CYP2C19: variants seen among roughly 807,000 people sequenced by gnomAD.
The protein encoded by CYP2C19 is cytochrome P450 family 2 subfamily C member 19, also known as cytochrome P450 2C19.
CYP2C19 carries 59 observed loss-of-function variants against 40.9 expected under a neutral mutation model. That is an observed-to-expected ratio of 1.44 (90% CI 1.17 to 1.79). The LOEUF (loss-of-function observed/expected upper bound fraction) is 1.79. Ranked by LOEUF, CYP2C19 falls within the 40% of genes most tolerant of loss-of-function variation. CYP2C19 has a pLI of 0.00. For missense variants in CYP2C19, 754 were observed against 596.9 expected, an observed-to-expected ratio of 1.26 and a Z score of -2.74; for synonymous variants, 253 against 208.7, an observed-to-expected ratio of 1.21 and a Z score of -1.83.
At position 94,855,253 on chromosome 10, in the gene CYP2C19, C is replaced by A. The variant is rs1167286427; in HGVS notation, c.*2339C>A. Among the ~76,000 whole-genome samples the A allele has an allele frequency of 6.6e-6, 1 of 152,168 alleles. No individual in the cohort carries two copies. Among genetic ancestry groups the A allele is most frequent in the Non-Finnish European group, 1.5e-5 (1 of 68,040 alleles). On this transcript the variant is annotated 3_prime_UTR_variant, in exon 9 of 9. Coordinates refer to ENST00000371321, the MANE Select transcript of CYP2C19 (RefSeq NM_000769.4). ...TCCAGACATTATTTAGCCTACCATA[C>A]TATTATTATACCCATTTGAACAACC... is the stretch of plus-strand genomic sequence containing the variant.
intron 3 of CYP2C19, among the ~76,000 whole-genome samples, chr10:94,778,442 T>C (rs1298832421): frequency 2.6e-5 from 4 of 151,854 alleles, no homozygotes. Context: ...AACAACCCCA[T>C]CAAAAAGTAG....
In CYP2C19 at chr10:94,852,987, CTG is replaced by C; in HGVS notation, c.*76_*77del. 1 of 1,474,588 alleles carries C rather than the reference CTG, an allele frequency of 6.8e-7. No individual in the cohort carries two copies. The highest frequency in any genetic ancestry group is 9.4e-7 in the Non-Finnish European group (1 of 1,064,624). 91.3% of individuals were successfully genotyped at this position (1,474,588 alleles called of 1,614,324 possible). ...TTTCCTCTGGTCCAAATTTCACTAT[CTG>C]TGATGCTTCTTCTGACCCGTCATCT... On this transcript the variant is annotated 3_prime_UTR_variant, in exon 9 of 9. Transcript: ENST00000371321.
intron 6 of CYP2C19, among the ~76,000 whole-genome samples, chr10:94,829,602 G>A (rs1025215110): frequency 1.3e-5 from 2 of 152,116 alleles, no homozygotes; most frequent in Non-Finnish European, 2.9e-5. Flanking sequence ...TGGTTTGAAT[G>A]TCCTTCCATA....
intron 1 of CYP2C19, chr10:94,774,819 G>T: frequency 1.9e-6 from 1 of 524,020 alleles, no homozygotes; most frequent in Non-Finnish European, 3.4e-6. Context: ...GAATATGTTG[G>T]TGTGAGGGTT....
intron 4 of CYP2C19, among the ~76,000 whole-genome samples, chr10:94,781,387 T>G (rs1358232074): frequency 1.3e-5 from 2 of 152,122 alleles, no homozygotes; most frequent in Admixed American, 1.3e-4. Flanking sequence ...TAATTCAATT[T>G]CAGAGGCTGC....
intron 5 of CYP2C19, among the ~76,000 whole-genome samples, chr10:94,818,928 G>C (rs1369875511): frequency 1.3e-5 from 2 of 151,996 alleles, no homozygotes; most frequent in Admixed American, 1.3e-4. Flanking sequence ...CAAATCAACA[G>C]AATATACATT....
At chr10:94,789,325 C>T (rs1358683510) in intron 5 of CYP2C19, among the ~76,000 whole-genome samples, 3 of 151,910 alleles carry the variant, frequency 2.0e-5, no homozygotes, top group Non-Finnish European at 4.4e-5. Context: ...GTTTCTTTTG[C>T]TCTGGAGAAG....
intron 5 of CYP2C19, among the ~76,000 whole-genome samples, chr10:94,819,076 T>C (rs1441068970): frequency 2.7e-5 from 4 of 150,576 alleles, no homozygotes; most frequent in Non-Finnish European, 5.9e-5. Flanking sequence ...GAACTCAGGA[T>C]TAAGAATCTC....
chr10:94,779,796 G>A (rs1227235518), intron 3 of CYP2C19, among the ~76,000 whole-genome samples: 1 of 151,990 alleles, frequency 6.6e-6, no homozygotes, highest in African/African-American at 2.4e-5. Flanking sequence ...CTGACCTCAG[G>A]TGATCCACCT....
At chr10:94,851,667 C>T (rs1026589577) in intron 8 of CYP2C19, among the ~76,000 whole-genome samples, 1 of 151,952 alleles carries the variant, frequency 6.6e-6, no homozygotes, top group Admixed American at 6.6e-5. Context: ...GGGCCTGTTC[C>T]TTATTGATAA....
chr10:94,778,972 A>G (rs1848447322), intron 3 of CYP2C19, among the ~76,000 whole-genome samples: 1 of 152,158 alleles, frequency 6.6e-6, no homozygotes, highest in South Asian at 2.1e-4. Flanking sequence ...AGGGACATGG[A>G]TGAAGCTGGA....
chr10:94,797,615 T>C (rs1222410989), intron 5 of CYP2C19, among the ~76,000 whole-genome samples: 2 of 152,082 alleles, frequency 1.3e-5, no homozygotes, highest in East Asian at 1.9e-4. Flanking sequence ...ATCCTTCTGG[T>C]CCTGAACTTT....
At chr10:94,838,123 C>T (rs1399852284) in intron 6 of CYP2C19, among the ~76,000 whole-genome samples, 2 of 152,172 alleles carry the variant, frequency 1.3e-5, no homozygotes, top group Non-Finnish European at 2.9e-5. Flanking sequence ...TAGTGGACAT[C>T]ATTGAATAAT....
intron 7 of CYP2C19, among the ~76,000 whole-genome samples, chr10:94,848,898 G>C (rs1359880912): frequency 6.6e-6 from 1 of 152,150 alleles, no homozygotes; most frequent in Non-Finnish European, 1.5e-5. Context: ...TGGTGTATAA[G>C]AATGCTTGTG....
chr10:94,786,908 C>T (rs1472307067), intron 5 of CYP2C19, among the ~76,000 whole-genome samples: 1 of 151,994 alleles, frequency 6.6e-6, no homozygotes. Flanking sequence ...TGCCACACAC[C>T]ATTGGTTGCT....
Position 94,854,674 on chromosome 10 carries a change from AATAT to A in CYP2C19, c.*1767_*1770del, listed in dbSNP as rs1011263945. Among the ~76,000 whole-genome samples, 1 of 151,754 alleles carries A rather than the reference AATAT, an allele frequency of 6.6e-6. No homozygotes were observed. The highest frequency in any genetic ancestry group is 6.6e-5 in the Admixed American group (1 of 15,224). Reference sequence around the variant, plus strand: ...GTGTACATTATGTGCATTCACACATAATATATATATGTATAACTTATGCACACAT... The same window carrying A: ...GTGTACATTATGTGCATTCACACATAATATATGTATAACTTATGCACACAT... On this transcript the variant is annotated 3_prime_UTR_variant, in exon 9 of 9. Coordinates refer to ENST00000371321, the MANE Select transcript of CYP2C19 (RefSeq NM_000769.4).
intron 5 of CYP2C19, among the ~76,000 whole-genome samples, chr10:94,811,301 T>G (rs948156510): frequency 6.6e-6 from 1 of 152,142 alleles, no homozygotes; most frequent in Admixed American, 6.5e-5. Flanking sequence ...TTACTTCCAA[T>G]TATGTGGTCA....
At chr10:94,776,576 A>G (rs1848410379) in intron 3 of CYP2C19, 1 of 152,202 alleles carries the variant, frequency 6.6e-6, no homozygotes, top group African/African-American at 2.4e-5. Flanking sequence ...CATTCAGAGT[A>G]CTTTTGACTA....
At chr10:94,827,375 C>T (rs1483335973) in intron 6 of CYP2C19, among the ~76,000 whole-genome samples, 1 of 151,894 alleles carries the variant, frequency 6.6e-6, no homozygotes. Flanking sequence ...TCAACTTCTT[C>T]CTGGTTTAGT....
Sources: allele counts gnomAD v4.1 joint callset (sites outside exome capture counted in the v4.1 genomes callset), GRCh38; gene constraint gnomAD v4.1.1; transcripts MANE v1.5; gene names NCBI Gene and HGNC (gene_info 2026-07-23, HGNC 2026-07-21).